Variants in CELF2 observed in about 807,000 individuals in gnomAD.
CELF2 encodes CUG triplet repeat RNA-binding protein 2.
CELF2 carries 8 observed loss-of-function variants against 62.6 expected under a neutral mutation model. The observed-to-expected ratio is 0.13, with a 90% CI of 0.07 to 0.23. The LOEUF (loss-of-function observed/expected upper bound fraction) is 0.23. Ranked by LOEUF, CELF2 falls within the 10% of genes least tolerant of loss-of-function variation. The pLI is 1.00. For synonymous variants in CELF2, 258 were observed against 250.0 expected, an observed-to-expected ratio of 1.03 and a Z score of -0.30; for missense variants, 333 against 671.0, an observed-to-expected ratio of 0.50 and a Z score of 5.56.
chr10:11,301,369 G>A (rs1353713666), intron 9 of CELF2, among the ~76,000 whole-genome samples: 3 of 43,126 alleles, frequency 7.0e-5, no homozygotes, highest in Admixed American at 4.8e-4. Context: ...TCCCCACCCC[G>A]CTTCCCCCCC....
the CELF2 span, among the ~76,000 whole-genome samples, chr10:10,748,534 G>A: frequency 2.0e-5 from 3 of 151,906 alleles, no homozygotes; most frequent in South Asian, 6.2e-4. Context: ...GGATCACGAG[G>A]TCAGGAGATC....
chr10:10,978,361 C>T (rs952609122), intron 2 of CELF2, among the ~76,000 whole-genome samples: 10 of 152,134 alleles, frequency 6.6e-5, no homozygotes, highest in Middle Eastern at 3.2e-3. Flanking sequence ...ACCTGTGAAT[C>T]CATCATAAAA....
chr10:11,329,080 C>G lies in CELF2; in HGVS notation c.*27C>G. On this transcript the variant is annotated 3_prime_UTR_variant, in exon 13 of 13. Transcript: ENST00000633077. The surrounding 1 kb of genome is among the most constrained non-coding windows in gnomAD (Gnocchi z 5.5). ...CCTAACCCCAGAGGCTCCCTGCTCT[C>G]ATTTTAGCTTTCTTAGGGTAAGTCC... is the stretch of plus-strand genomic sequence containing the variant. 6.3e-7 allele frequency: 1 copy of G among 1,593,054 alleles called. No individual in the cohort carries two copies. Among genetic ancestry groups the G allele is most frequent in the Non-Finnish European group, 8.6e-7 (1 of 1,164,820 alleles).
chr10:10,794,067 C>T (rs976089300), upstream of CELF2, among the ~76,000 whole-genome samples: 1 of 152,116 alleles, frequency 6.6e-6, no homozygotes, highest in Admixed American at 6.5e-5. Flanking sequence ...ATCTGATGCA[C>T]ACGGGGTGTG....
the CELF2 span, among the ~76,000 whole-genome samples, chr10:10,684,768 C>T: frequency 7.2e-5 from 11 of 152,164 alleles, no homozygotes; most frequent in African/African-American, 2.2e-4. Context: ...AAAATTGCAA[C>T]AAGAGCTTTG....
At chr10:10,500,606 G>A in the CELF2 span, among the ~76,000 whole-genome samples, 2 of 152,192 alleles carry the variant, frequency 1.3e-5, no homozygotes, top group African/African-American at 2.4e-5. Flanking sequence ...GGAACTGTGA[G>A]TCCATTAAAC....
At chr10:11,151,352 T>C (rs1311433470) in intron 1 of CELF2, among the ~76,000 whole-genome samples, 6 of 152,208 alleles carry the variant, frequency 3.9e-5, no homozygotes, top group Non-Finnish European at 8.8e-5. Flanking sequence ...ATCTTTTCCA[T>C]GGATGGGATA....
At chr10:10,777,696 T>C in the CELF2 span, among the ~76,000 whole-genome samples, 6 of 152,178 alleles carry the variant, frequency 3.9e-5, no homozygotes, top group African/African-American at 1.4e-4. Context: ...AATGATAATT[T>C]GCCCCTCTGC....
intron 11 of CELF2, among the ~76,000 whole-genome samples, chr10:11,323,313 T>C (rs1425168808): frequency 2.0e-5 from 3 of 152,012 alleles, no homozygotes; most frequent in African/African-American, 4.8e-5. Flanking sequence ...GTCATAACTC[T>C]CTTCTGATCC....
chr10:10,977,586 G>T (rs1437183418), intron 2 of CELF2, among the ~76,000 whole-genome samples: 3 of 152,182 alleles, frequency 2.0e-5, no homozygotes. Context: ...TAGATATTCT[G>T]AAACACAGAA....
rs555770670 is a variant in CELF2 at position 10,947,176 on chromosome 10, A to G, written c.89+27177A>G. On this transcript the variant is annotated intron_variant, in intron 2 of 13. Coordinates refer to the CELF2 transcript ENST00000636488. The surrounding 1 kb of genome is among the most constrained non-coding windows in gnomAD (Gnocchi z 4.1). ...AACCTTCCAATCGTTAGAAGTGCAC[A>G]GGCTCGCTTTCAAACACAAAAGCTC... 1 of 152,248 alleles carries G rather than the reference A, an allele frequency of 6.6e-6. No individual in the cohort carries two copies. Among genetic ancestry groups the G allele is most frequent in the Non-Finnish European group, 1.5e-5 (1 of 68,050 alleles). The allele number at this position is 152,248 out of a possible 1,614,324, so 9.4% of individuals were successfully genotyped here.
intron 1 of CELF2, among the ~76,000 whole-genome samples, chr10:10,876,462 TAA>T (rs889399491): frequency 2.6e-5 from 4 of 152,134 alleles, no homozygotes; most frequent in African/African-American, 9.7e-5. Context: ...ATTATGTACA[TAA>T]TATACACCAT....
At chr10:10,562,929 T>G in the CELF2 span, among the ~76,000 whole-genome samples, 1 of 151,612 alleles carries the variant, frequency 6.6e-6, no homozygotes, top group Non-Finnish European at 1.5e-5. Flanking sequence ...TAAGGCATTT[T>G]TTTTTTTTAA....
intron 1 of CELF2, among the ~76,000 whole-genome samples, chr10:11,087,728 C>T (rs567444176): frequency 1.9e-3 from 288 of 152,260 alleles, no homozygotes; most frequent in Middle Eastern, 6.8e-3. Context: ...GCCTTTGAAC[C>T]CCACCCTGCG....
the CELF2 span, among the ~76,000 whole-genome samples, chr10:10,502,800 G>T: frequency 6.6e-6 from 1 of 151,530 alleles, no homozygotes; most frequent in African/African-American, 2.4e-5. Context: ...ATTTTGCTCT[G>T]CTATTTTGAA....
chr10:10,737,894 T>C, the CELF2 span, among the ~76,000 whole-genome samples: 1 of 152,240 alleles, frequency 6.6e-6, no homozygotes, highest in Non-Finnish European at 1.5e-5. Context: ...GCTAATGGAC[T>C]TCCAATGGCC....
intron 2 of CELF2, among the ~76,000 whole-genome samples, chr10:10,941,233 G>A (rs560876233): frequency 1.8e-4 from 28 of 152,272 alleles, no homozygotes; most frequent in African/African-American, 5.1e-4. Context: ...AATGTGCTAC[G>A]GAGACACCAT....
chr10:11,319,163 C>T lies in CELF2; in HGVS notation c.1097-2026C>T, dbSNP rs1386727018. 6.5e-6 allele frequency: 3 copies of T among 464,450 alleles called. No individual in the cohort carries two copies. The highest frequency in any genetic ancestry group is 1.3e-5 in the Non-Finnish European group (3 of 224,352). 28.8% of individuals were successfully genotyped at this position (464,450 alleles called of 1,614,324 possible). On this transcript the variant is annotated intron_variant, in intron 10 of 12. Coordinates refer to ENST00000633077, the MANE Select transcript of CELF2 (RefSeq NM_001326342.2). This position sits in a 1 kb window ranked among gnomAD's most constrained non-coding sequence, Gnocchi z 4.4. ...CACGGGCATCTGCATTTCCAGAGGA[C>T]TGTGCCCAGAGTGCGATCATCTGTA...
At chr10:10,863,506 G>A (rs2060167886) in intron 1 of CELF2, among the ~76,000 whole-genome samples, 1 of 152,126 alleles carries the variant, frequency 6.6e-6, no homozygotes, top group Admixed American at 6.5e-5. Context: ...CTAAACCTTG[G>A]TTGTCTTATC....
Sources: gnomAD v4.1 joint callset for allele counts (sites outside exome capture counted in the v4.1 genomes callset) on GRCh38, gnomAD v4.1.1 for gene constraint, Gnocchi (gnomAD v3.1) non-coding constraint, MANE v1.5 for transcripts, NCBI Gene and HGNC (gene_info 2026-07-23, HGNC 2026-07-21) for gene names.